The following DLG2 variants were observed in gnomAD, a reference collection of about 807,000 sequenced individuals.
DLG2 encodes the protein disks large homolog 2.
DLG2 carries 45 observed loss-of-function variants against 132.5 expected under a neutral mutation model. That is an observed-to-expected ratio of 0.34 (90% CI 0.27 to 0.44). DLG2 has a LOEUF of 0.44. DLG2 is among the 20% of genes least tolerant of loss of function. The pLI, the probability that DLG2 is intolerant of heterozygous loss-of-function variation, is 1.00. For missense variants in DLG2, 1,045 were observed against 1,196.9 expected (o/e 0.87, Z 1.87); for synonymous variants, 424 against 419.6 (o/e 1.01, Z -0.13).
At position 85,493,559 on chromosome 11, in the gene DLG2, G is replaced by A. The variant is rs539682132; in HGVS notation, c.40+105098C>T. Among the ~76,000 whole-genome samples the A allele has an allele frequency of 8.9e-4, 135 of 152,158 alleles. 1 individual carries two copies. In the South Asian group the frequency reaches 0.027, roughly 30 times the overall value. Reference sequence around the variant, plus strand: ...CATGTGTCTGTAATAACAACTACTTGGGAGTTGTTATTTTGGCAGGAGAAT... The same window carrying A: ...CATGTGTCTGTAATAACAACTACTTAGGAGTTGTTATTTTGGCAGGAGAAT... On this transcript the variant is annotated intron_variant, in intron 3 of 27. Coordinates refer to ENST00000376104, the MANE Select transcript of DLG2 (RefSeq NM_001142699.3).
chr11:84,039,168 T>C (rs1032387020), intron 11 of DLG2, among the ~76,000 whole-genome samples: 1 of 152,060 alleles, frequency 6.6e-6, no homozygotes, highest in Non-Finnish European at 1.5e-5. Flanking sequence ...TTTAAGTGCA[T>C]TCATTCATTT....
chr11:83,796,029 G>A (rs2042740257), intron 17 of DLG2, among the ~76,000 whole-genome samples: 1 of 152,202 alleles, frequency 6.6e-6, no homozygotes, highest in African/African-American at 2.4e-5. Context: ...ACTGAGTTGT[G>A]TAATGTATCT....
chr11:84,899,972 C>T (rs914908966), intron 6 of DLG2, among the ~76,000 whole-genome samples: 1 of 152,000 alleles, frequency 6.6e-6, no homozygotes, highest in African/African-American at 2.4e-5. Flanking sequence ...AGAGTTAATG[C>T]AGCATCTAGT....
chr11:83,692,249 C>T (rs1369832162), intron 18 of DLG2, among the ~76,000 whole-genome samples: 1 of 152,160 alleles, frequency 6.6e-6, no homozygotes, highest in African/African-American at 2.4e-5. Flanking sequence ...GACTGGGATG[C>T]AGTACAGCAT....
chr11:84,918,428 T>A (rs192072839), intron 6 of DLG2, among the ~76,000 whole-genome samples: 2 of 152,266 alleles, frequency 1.3e-5, no homozygotes, highest in Non-Finnish European at 2.9e-5. Context: ...CACCCTGTAC[T>A]GTTTATTAAA....
At chr11:85,423,060 T>C (rs1326634194) in intron 3 of DLG2, among the ~76,000 whole-genome samples, 2 of 152,144 alleles carry the variant, frequency 1.3e-5, no homozygotes, top group African/African-American at 4.8e-5. Flanking sequence ...TTCCTTCTCA[T>C]TTGGTTAGGC....
intron 4 of DLG2, among the ~76,000 whole-genome samples, chr11:85,196,132 A>G (rs2081049670): frequency 6.6e-6 from 1 of 152,186 alleles, no homozygotes; most frequent in African/African-American, 2.4e-5. Flanking sequence ...TTTTGACCAT[A>G]AAGTTGTTGC....
At chr11:85,407,750 A>G (rs546706017) in intron 3 of DLG2, among the ~76,000 whole-genome samples, 43 of 151,974 alleles carry the variant, frequency 2.8e-4, no homozygotes, top group African/African-American at 1.0e-3. Flanking sequence ...TGTCCCACCC[A>G]AGAAGCAGGG....
chr11:85,178,154 G>A (rs971450487), intron 4 of DLG2, among the ~76,000 whole-genome samples: 1 of 151,870 alleles, frequency 6.6e-6, no homozygotes, highest in African/African-American at 2.4e-5. Context: ...TATAAGAATA[G>A]ACAATATTTA....
intron 3 of DLG2, among the ~76,000 whole-genome samples, chr11:85,486,700 T>G (rs2093436859): frequency 6.6e-6 from 1 of 151,992 alleles, no homozygotes; most frequent in African/African-American, 2.4e-5. Context: ...TATGGATCAC[T>G]TGGATTCCAG....
chr11:85,441,987 C>G (rs932339841), intron 3 of DLG2, among the ~76,000 whole-genome samples: 1 of 151,542 alleles, frequency 6.6e-6, no homozygotes, highest in African/African-American at 2.4e-5. Context: ...AGAAGAAAAC[C>G]AGCCATGAAG....
chr11:83,828,696 T>C (rs1385068776), intron 17 of DLG2, among the ~76,000 whole-genome samples: 1 of 152,020 alleles, frequency 6.6e-6, no homozygotes, highest in Non-Finnish European at 1.5e-5. Flanking sequence ...GCCCAAACTA[T>C]CCAAAAGAGG....
At chr11:85,278,770 G>C (rs139738524) in intron 4 of DLG2, among the ~76,000 whole-genome samples, 103 of 152,200 alleles carry the variant, frequency 6.8e-4, no homozygotes, top group African/African-American at 2.4e-3. Flanking sequence ...ACCATCTCTA[G>C]TACTCTAGTA....
chr11:84,305,613 C>T (rs563119778), intron 7 of DLG2, among the ~76,000 whole-genome samples: 2 of 152,202 alleles, frequency 1.3e-5, no homozygotes, highest in South Asian at 4.1e-4. Context: ...GTCTATCTAT[C>T]TATTTATCTA....
intron 7 of DLG2, among the ~76,000 whole-genome samples, chr11:84,481,604 G>A (rs374121372): frequency 6.6e-6 from 1 of 152,102 alleles, no homozygotes; most frequent in Admixed American, 6.6e-5. Flanking sequence ...TTCAGAAGTG[G>A]CTTCTACTAA....
chr11:83,676,371 G>A (rs902880117), intron 18 of DLG2, among the ~76,000 whole-genome samples: 2 of 152,182 alleles, frequency 1.3e-5, no homozygotes, highest in Admixed American at 1.3e-4. Flanking sequence ...TACAGGATCA[G>A]ATCTCTTGAA....
chr11:83,516,733 C>A (rs1202475481), intron 21 of DLG2, among the ~76,000 whole-genome samples: 1 of 152,184 alleles, frequency 6.6e-6, no homozygotes, highest in East Asian at 1.9e-4. Flanking sequence ...GTGACAAAAT[C>A]TCTCAGCATT....
chr11:85,220,796 T>G (rs2074585804), intron 4 of DLG2, among the ~76,000 whole-genome samples: 1 of 151,808 alleles, frequency 6.6e-6, no homozygotes, highest in South Asian at 2.1e-4. Flanking sequence ...ATATTTATTT[T>G]TAGATAAGTT....
chr11:85,611,112 C>T (rs906961676), intron 2 of DLG2, among the ~76,000 whole-genome samples: 3 of 152,170 alleles, frequency 2.0e-5, no homozygotes, highest in Non-Finnish European at 4.4e-5. Flanking sequence ...GGAGTCCTTA[C>T]GCAGGCTCAT....
Sources: allele counts gnomAD v4.1 joint callset (sites outside exome capture counted in the v4.1 genomes callset), GRCh38; gene constraint gnomAD v4.1.1; transcripts MANE v1.5; gene names NCBI Gene and HGNC (gene_info 2026-07-23, HGNC 2026-07-21).